Variants in FERMT2 observed in about 807,000 individuals in gnomAD.
FERMT2 encodes FERM domain containing kindlin 2.
In FERMT2, 15 loss-of-function variants were observed where a neutral mutation model predicts 82.7. The observed-to-expected ratio is 0.18, with a 90% CI of 0.12 to 0.28. FERMT2 has a LOEUF of 0.28. Among genes scored for constraint, FERMT2 ranks in the 10% least tolerant of loss-of-function variants. FERMT2 has a pLI of 1.00. For missense variants in FERMT2, 645 were observed against 809.4 expected (o/e 0.80, Z 2.46); for synonymous variants, 274 against 271.5 (o/e 1.01, Z -0.09).
chr14:52,926,710 T>C (rs1171663704), intron 2 of FERMT2, among the ~76,000 whole-genome samples: 1 of 151,600 alleles, frequency 6.6e-6, no homozygotes, highest in African/African-American at 2.4e-5. Context: ...GGCTCGGGGG[T>C]GGGGCGTGGG....
chr14:52,919,446 T>A, intron 2 of FERMT2, 90 bp from the exon 3 acceptor site: 1 of 773,464 alleles, frequency 1.3e-6, no homozygotes, highest in Non-Finnish European at 2.0e-6. Context: ...ATTGGGTATT[T>A]AACAGCAATA....
At chr14:52,867,608 T>C (rs1885364922) in intron 10 of FERMT2, among the ~76,000 whole-genome samples, 1 of 152,148 alleles carries the variant, frequency 6.6e-6, no homozygotes, top group African/African-American at 2.4e-5. Context: ...GCACTTACCA[T>C]TACTGCTAAC....
At chr14:52,869,812 C>T (rs1253432169) in intron 10 of FERMT2, among the ~76,000 whole-genome samples, 1 of 152,156 alleles carries the variant, frequency 6.6e-6, no homozygotes, top group Non-Finnish European at 1.5e-5. Context: ...GAGGAAATGA[C>T]AGCTCCATGC....
intron 3 of FERMT2, among the ~76,000 whole-genome samples, chr14:52,917,835 G>A (rs11851146): frequency 0.14 from 21,397 of 152,144 alleles, 1,746 homozygotes; most frequent in African/African-American, 0.22. Context: ...CAAGCCTACA[G>A]GCATAAGCAG....
intron 2 of FERMT2, among the ~76,000 whole-genome samples, chr14:52,942,380 G>A (rs1267921479): frequency 6.7e-6 from 1 of 148,166 alleles, no homozygotes; most frequent in African/African-American, 2.5e-5. Context: ...CCGGCTCACT[G>A]CAAGCTCCCC....
chr14:52,882,797 TA>T (rs1014046205), intron 4 of FERMT2, among the ~76,000 whole-genome samples: 30 of 51,390 alleles, frequency 5.8e-4, no homozygotes, highest in South Asian at 7.2e-4. Context: ...GAAGCAAAGT[TA>T]AAAAAAAAAA....
intron 2 of FERMT2, among the ~76,000 whole-genome samples, chr14:52,926,519 T>TA (rs1889286239): frequency 6.6e-6 from 1 of 152,058 alleles, no homozygotes; most frequent in Non-Finnish European, 1.5e-5. Flanking sequence ...ATCTGCATTA[T>TA]AAAACCATTC....
At chr14:52,891,529 T>A (rs570265409) in intron 4 of FERMT2, among the ~76,000 whole-genome samples, 22 of 152,278 alleles carry the variant, frequency 1.4e-4, no homozygotes, top group African/African-American at 5.3e-4. Context: ...CTTATCCTTA[T>A]CCTCAAAATG....
intron 13 of FERMT2, 160 bp downstream of exon 13, chr14:52,860,181 A>T (rs1288496149): frequency 1.7e-6 from 1 of 578,226 alleles, no homozygotes; most frequent in Non-Finnish European, 2.9e-6. Context: ...GTAGAAATTA[A>T]AAGCTTACAA....
intron 10 of FERMT2, chr14:52,872,354 G>C (rs778287859): frequency 1.3e-5 from 2 of 157,760 alleles, no homozygotes; most frequent in East Asian, 1.9e-4. Context: ...CCCGGAGTTC[G>C]AGACCAGTCT....
Position 52,864,764 on chromosome 14 carries a change from A to G in FERMT2, c.1363T>C (p.Trp455Arg). 1 of 1,611,958 alleles carries G rather than the reference A, an allele frequency of 6.2e-7. No individual in the cohort carries two copies. Among genetic ancestry groups the G allele is most frequent in the Non-Finnish European group, 8.5e-7 (1 of 1,178,362 alleles). Residue 455 changes from tryptophan to arginine, a missense_variant, in exon 11 of 15, where the codon TGG becomes CGG. Physicochemically the swap from Trp to Arg is moderately radical, Grantham distance 101 (BLOSUM62 -3). Transcript: ENST00000341590. ...IPVAEGMNEI[W>R]LRCDNEKQYA... ...AAACTTACATTGTCACAACGAAGCC[A>G]GATTTCATTCATGCCTTCTGCAACT...
chr14:52,950,832 C>A (rs996870778), intron 1 of FERMT2, 89 bp downstream of exon 1: 2 of 317,490 alleles, frequency 6.3e-6, no homozygotes, highest in East Asian at 1.1e-4. Context: ...CTTCACCTGC[C>A]GGCCGGCCCC....
chr14:52,862,058 T>C (rs1295451844), intron 12 of FERMT2: 1 of 152,138 alleles, frequency 6.6e-6, no homozygotes, highest in African/African-American at 2.4e-5. Context: ...TGGTCGCTAT[T>C]CTCTGGAAAC....
At chr14:52,880,160 C>T (rs1042340519) in intron 6 of FERMT2, among the ~76,000 whole-genome samples, 6 of 151,904 alleles carry the variant, frequency 3.9e-5, no homozygotes, top group Non-Finnish European at 7.4e-5. Flanking sequence ...TGGGAGGCGA[C>T]GTGGGAGAAT....
intron 10 of FERMT2, among the ~76,000 whole-genome samples, chr14:52,870,326 C>T (rs1318376925): frequency 2.6e-5 from 4 of 151,654 alleles, no homozygotes; most frequent in Non-Finnish European, 2.9e-5. Context: ...CTCAGCTCAC[C>T]GCAAGCTCCA....
At chr14:52,939,774 G>A (rs1476845204) in intron 2 of FERMT2, among the ~76,000 whole-genome samples, 1 of 152,062 alleles carries the variant, frequency 6.6e-6, no homozygotes, top group Non-Finnish European at 1.5e-5. Context: ...CCTTGCATAA[G>A]ACTTTTAACA....
intron 4 of FERMT2, among the ~76,000 whole-genome samples, chr14:52,882,258 A>G (rs1275247631): frequency 6.6e-6 from 1 of 152,130 alleles, no homozygotes; most frequent in Admixed American, 6.5e-5. Flanking sequence ...TACAACAAAT[A>G]AAGTATTAAT....
chr14:52,875,838 C>G (rs1566723774), intron 7 of FERMT2, among the ~76,000 whole-genome samples: 3 of 152,170 alleles, frequency 2.0e-5, no homozygotes, highest in South Asian at 2.1e-4. Context: ...AGCTAAAACT[C>G]CACTTTTTCC....
At chr14:52,910,989 G>GA (rs1045688541) in intron 3 of FERMT2, among the ~76,000 whole-genome samples, 2 of 152,104 alleles carry the variant, frequency 1.3e-5, no homozygotes, top group Non-Finnish European at 2.9e-5. Flanking sequence ...ATAATTAACA[G>GA]AAAAAACCCT....
Sources: gnomAD v4.1 joint callset for allele counts (sites outside exome capture counted in the v4.1 genomes callset) on GRCh38, gnomAD v4.1.1 for gene constraint, MANE v1.5 for transcripts, NCBI Gene and HGNC (gene_info 2026-07-23, HGNC 2026-07-21) for gene names.